The following ST6GALNAC3 variants were observed in gnomAD, a reference collection of about 807,000 sequenced individuals.
The protein encoded by ST6GALNAC3 is alpha-N-acetylgalactosaminide alpha-2,6-sialyltransferase 3.
ST6GALNAC3 carries 25 observed loss-of-function variants against 32.7 expected under a neutral mutation model. The observed-to-expected ratio is 0.76, with a 90% confidence interval of 0.56 to 1.07. The LOEUF is 1.07. Ranked by LOEUF, ST6GALNAC3 falls within the 50% of genes least tolerant of loss-of-function variation. ST6GALNAC3 has a pLI of 0.00. For missense variants in ST6GALNAC3, 355 were observed against 382.4 expected (o/e 0.93, Z 0.60); for synonymous variants, 129 against 133.1 (o/e 0.97, Z 0.21).
chr1:76,105,589 T>C (rs575801132), intron 1 of ST6GALNAC3, among the ~76,000 whole-genome samples: 1 of 152,334 alleles, frequency 6.6e-6, no homozygotes, highest in East Asian at 1.9e-4. Context: ...CCTCCTCATT[T>C]TGCTAGCTCA....
chr1:76,503,602 G>A (rs1437841549), intron 3 of ST6GALNAC3, among the ~76,000 whole-genome samples: 2 of 152,220 alleles, frequency 1.3e-5, no homozygotes, highest in African/African-American at 2.4e-5. Flanking sequence ...AGTCTAATAA[G>A]ATGTAGAGGA....
chr1:76,315,315 T>C (rs944596013), intron 2 of ST6GALNAC3, among the ~76,000 whole-genome samples: 3 of 152,158 alleles, frequency 2.0e-5, no homozygotes, highest in African/African-American at 7.2e-5. Flanking sequence ...TACTGTATGG[T>C]GTTAATCAAT....
intron 1 of ST6GALNAC3, among the ~76,000 whole-genome samples, chr1:76,169,836 A>G (rs1652361922): frequency 6.6e-6 from 1 of 152,038 alleles, no homozygotes; most frequent in Non-Finnish European, 1.5e-5. Context: ...ATATATATAT[A>G]CTGGCTGTTT....
At chr1:76,287,098 A>G (rs1659826393) in intron 1 of ST6GALNAC3, among the ~76,000 whole-genome samples, 1 of 152,252 alleles carries the variant, frequency 6.6e-6, no homozygotes, top group Non-Finnish European at 1.5e-5. Context: ...AACTAGAACT[A>G]GCTCAGCCTT....
chr1:76,320,333 T>C (rs1016245093), intron 2 of ST6GALNAC3, among the ~76,000 whole-genome samples: 3 of 152,186 alleles, frequency 2.0e-5, no homozygotes, highest in Non-Finnish European at 4.4e-5. Flanking sequence ...ACTTGGTGGA[T>C]CCATTTCATA....
chr1:76,116,149 G>A (rs1214023574), intron 1 of ST6GALNAC3, among the ~76,000 whole-genome samples: 4 of 152,116 alleles, frequency 2.6e-5, no homozygotes, highest in Non-Finnish European at 4.4e-5. Flanking sequence ...TGGATAGAGA[G>A]TGTGTGTGAC....
At chr1:76,549,536 T>C (rs554926423) in intron 3 of ST6GALNAC3, among the ~76,000 whole-genome samples, 4 of 152,234 alleles carry the variant, frequency 2.6e-5, no homozygotes, top group Admixed American at 2.6e-4. Context: ...TATAGCTATG[T>C]AGTGTTTTGT....
At chr1:76,277,569 CACACACACATATGTTTATGTGTATAT>C (rs1659228177) in intron 1 of ST6GALNAC3, among the ~76,000 whole-genome samples, 1 of 51,618 alleles carries the variant, frequency 1.9e-5, no homozygotes, top group Non-Finnish European at 3.6e-5. Flanking sequence ...TATATATATA[CACACACACATATGTTTATGTGTATAT>C]ATATATATAT....
intron 2 of ST6GALNAC3, among the ~76,000 whole-genome samples, chr1:76,382,620 CTT>C (rs1651799585): frequency 6.6e-6 from 1 of 152,174 alleles, no homozygotes; most frequent in Admixed American, 6.5e-5. Context: ...CCTGAGACCA[CTT>C]CTGGTGCTGG....
intron 2 of ST6GALNAC3, among the ~76,000 whole-genome samples, chr1:76,411,216 T>C (rs1417170473): frequency 3.3e-5 from 5 of 152,126 alleles, no homozygotes; most frequent in Non-Finnish European, 5.9e-5. Flanking sequence ...ACGATCTAGA[T>C]TTGAATCTAA....
At chr1:76,447,637 G>A (rs1466921947) in intron 3 of ST6GALNAC3, among the ~76,000 whole-genome samples, 2 of 152,102 alleles carry the variant, frequency 1.3e-5, no homozygotes, top group South Asian at 2.1e-4. Flanking sequence ...CCCCCTCCCC[G>A]TGTAGCCTAG....
intron 3 of ST6GALNAC3, among the ~76,000 whole-genome samples, chr1:76,414,956 A>G (rs1358320048): frequency 1.3e-5 from 2 of 151,930 alleles, no homozygotes; most frequent in Non-Finnish European, 2.9e-5. Context: ...ATACATAGCA[A>G]TTGATTGATA....
intron 2 of ST6GALNAC3, among the ~76,000 whole-genome samples, chr1:76,393,795 A>G (rs1451356911): frequency 6.6e-6 from 1 of 152,170 alleles, no homozygotes; most frequent in African/African-American, 2.4e-5. Context: ...ACTGGCTCCC[A>G]AGAAGTGTGG....
At chr1:76,074,963 C>T in intron 1 of ST6GALNAC3, 79 bp downstream of exon 1, 2 of 1,514,268 alleles carry the variant, frequency 1.3e-6, no homozygotes, top group Admixed American at 2.0e-5. Context: ...AGCCGCGGTC[C>T]CACCGCATCC....
chr1:76,083,225 A>C (rs1049650975), intron 1 of ST6GALNAC3, among the ~76,000 whole-genome samples: 1 of 152,250 alleles, frequency 6.6e-6, no homozygotes, highest in East Asian at 1.9e-4. Context: ...TGCAATACTC[A>C]TCTTAGATTT....
chr1:76,489,921 T>C (rs1396312009), intron 3 of ST6GALNAC3, among the ~76,000 whole-genome samples: 4 of 152,200 alleles, frequency 2.6e-5, no homozygotes, highest in Non-Finnish European at 4.4e-5. Flanking sequence ...AGGCCATTTC[T>C]GGTGATTCTT....
intron 2 of ST6GALNAC3, among the ~76,000 whole-genome samples, chr1:76,375,643 G>T (rs1028023460): frequency 2.6e-5 from 4 of 152,134 alleles, no homozygotes; most frequent in African/African-American, 9.7e-5. Context: ...GGTTGACTCG[G>T]TTAGAAAAAA....
At chr1:76,307,956 TG>T (rs757402525) in intron 1 of ST6GALNAC3, 3 of 508,436 alleles carry the variant, frequency 5.9e-6, no homozygotes, top group Non-Finnish European at 1.2e-5. Context: ...TAGAATGCCA[TG>T]TTTTTGATGC....
At chr1:76,266,319 C>T (rs1172523399) in intron 1 of ST6GALNAC3, among the ~76,000 whole-genome samples, 1 of 152,092 alleles carries the variant, frequency 6.6e-6, no homozygotes, top group Non-Finnish European at 1.5e-5. Context: ...AAGGATGACT[C>T]TATCAAGTAG....
Sources: allele counts gnomAD v4.1 joint callset (sites outside exome capture counted in the v4.1 genomes callset), GRCh38; gene constraint gnomAD v4.1.1; transcripts MANE v1.5; gene names NCBI Gene and HGNC (gene_info 2026-07-23, HGNC 2026-07-21).